The following ASMTL variants were observed in gnomAD, a reference collection of about 807,000 sequenced individuals.
ASMTL encodes probable bifunctional dTTP/UTP pyrophosphatase/methyltransferase protein.
A neutral mutation model predicts 60.3 loss-of-function variants in ASMTL; 57 were observed. That is an observed-to-expected ratio of 0.95 (90% confidence interval 0.76 to 1.18). The LOEUF (loss-of-function observed/expected upper bound fraction) is 1.18, where lower values mean the gene tolerates loss of function less well. ASMTL is among the 50% of genes most tolerant of loss of function. The pLI is 0.00. For synonymous variants in ASMTL, 419 were observed against 373.0 expected, an observed-to-expected ratio of 1.12 and a Z score of -1.42; for missense variants, 981 against 852.6, an observed-to-expected ratio of 1.15 and a Z score of -1.88.
Position 1,419,049 on chromosome X carries a change from C to T in ASMTL, c.1311G>A (p.Lys437=). The T allele has an allele frequency of 6.2e-7, 1 of 1,611,542 alleles. No homozygotes were observed. Among genetic ancestry groups the T allele is most frequent in the Non-Finnish European group, 8.5e-7 (1 of 1,179,642 alleles). The change falls in exon 10 of 13, where the codon AAG becomes AAA. Residue 437 remains lysine (K), a synonymous_variant. Coordinates refer to ENST00000381317, the MANE Select transcript of ASMTL (RefSeq NM_004192.4). ...RFMRAMHGMT[K]LTACQVATAF... ...CCGTGGCCACCTGGCACGCAGTCAGCTTCGTCATGCCGTGCATGGCCCGCA... is the reference window on the plus strand; with the variant it reads ...CCGTGGCCACCTGGCACGCAGTCAGTTTCGTCATGCCGTGCATGGCCCGCA...
At chrX:1,415,456 T>TATTA (rs1422172424) in intron 11 of ASMTL, among the ~76,000 whole-genome samples, 1 of 121,706 alleles carries the variant, frequency 8.2e-6, no homozygotes, top group African/African-American at 3.0e-5. Context: ...TATTTATCAT[T>TATTA]ATTATTATCA....
chrX:1,418,069 T>A lies in ASMTL; in HGVS notation c.1426A>T (p.Met476Leu), dbSNP rs1254159530. The A allele has an allele frequency of 1.2e-6, 2 of 1,613,112 alleles. No homozygotes were observed. Among genetic ancestry groups the A allele is most frequent in the African/African-American group, 2.7e-5 (2 of 74,910 alleles). Reference sequence around the variant, plus strand: ...GGGAGGTCAAACACAGTCACCTGCATACGAGGGTACTCACGGGCCAGCTCT... The same window carrying A: ...GGGAGGTCAAACACAGTCACCTGCAAACGAGGGTACTCACGGGCCAGCTCT... The part of the protein sequence containing the change: ...ARELAREYPR[M>L]QVTVFDLPDI... The change falls in exon 11 of 13, where the codon ATG (methionine) becomes TTG (leucine). Residue 476 changes from methionine (M) to leucine (L), a missense_variant. Met to Leu is a conservative substitution (Grantham distance 15). Coordinates refer to ENST00000381317, the MANE Select transcript of ASMTL (RefSeq NM_004192.4).
At chrX:1,450,037 C>T (rs772835581) in intron 1 of ASMTL, among the ~76,000 whole-genome samples, 1 of 150,832 alleles carries the variant, frequency 6.6e-6, no homozygotes, top group Non-Finnish European at 1.5e-5. Context: ...GTAACTATCC[C>T]CCATCACCAG....
At chrX:1,450,420 C>T (rs1404838324) in intron 1 of ASMTL, among the ~76,000 whole-genome samples, 1 of 151,134 alleles carries the variant, frequency 6.6e-6, no homozygotes, top group Non-Finnish European at 1.5e-5. Context: ...CCAGGTCACT[C>T]CCCTCCCCCA....
At chrX:1,443,140 C>CACCTCCGTCGTGGACACAT (rs1373341125) in intron 1 of ASMTL, among the ~76,000 whole-genome samples, 1 of 139,398 alleles carries the variant, frequency 7.2e-6, no homozygotes, top group Non-Finnish European at 1.6e-5. Flanking sequence ...CGTGGACACA[C>CACCTCCGTCGTGGACACAT]GCCGCCATCT....
At chrX:1,442,774 T>C (rs1190485690) in intron 1 of ASMTL, among the ~76,000 whole-genome samples, 2 of 152,074 alleles carry the variant, frequency 1.3e-5, no homozygotes, top group Non-Finnish European at 2.9e-5. Flanking sequence ...AGGGAGACAA[T>C]GATGGCTCTA....
Position 1,421,652 on chromosome X carries a change from T to C in ASMTL, c.1245+6A>G. The C allele has an allele frequency of 6.2e-7, 1 of 1,613,910 alleles. No individual in the cohort carries two copies. Reference sequence around the variant, plus strand: ...CGGAAAGGTGTCCGCGGGGGTGTTATGCTACCTGGAACAGATCTTCCGCCT... The same window carrying C: ...CGGAAAGGTGTCCGCGGGGGTGTTACGCTACCTGGAACAGATCTTCCGCCT... On this transcript the variant is annotated splice_donor_region_variant and intron_variant, in intron 9 of 12. Coordinates refer to ENST00000381317, the MANE Select transcript of ASMTL (RefSeq NM_004192.4).
chrX:1,426,788 A>T (rs1292736751), intron 7 of ASMTL, among the ~76,000 whole-genome samples: 17 of 152,070 alleles, frequency 1.1e-4, no homozygotes, highest in African/African-American at 4.1e-4. Context: ...TCTTAATTAC[A>T]TCTGCTAAGA....
chrX:1,403,175 G>T lies in ASMTL; in HGVS notation c.*94C>A. 2 of 1,006,980 alleles carry T rather than the reference G, an allele frequency of 2.0e-6. No homozygotes were observed. Among genetic ancestry groups the T allele is most frequent in the African/African-American group, 1.6e-5 (1 of 63,154 alleles). The allele number at this position is 1,006,980 out of a possible 1,614,324, so 62.4% of individuals were successfully genotyped here. ...TTTCTTTATTCAGTCACGACTACAC[G>T]CTCCTATGTGACTGTCCTATGGTAC... On this transcript the variant is annotated 3_prime_UTR_variant, in exon 13 of 13. Transcript: ENST00000381317.
In ASMTL at chrX:1,412,818, A is replaced by T. The variant is rs1195309666; in HGVS notation, c.1559T>A (p.Leu520Gln). 1.2e-6 allele frequency: 2 copies of T among 1,613,976 alleles called. No homozygotes were observed. The highest frequency in any genetic ancestry group is 2.2e-5 in the South Asian group (2 of 91,080). ...ATGCAGGATCCGGCACAGGACGTAC[A>T]GCTCAGCGCTGGGGAGGGGGTCCCT... ...FFRDPLPSAE[L>Q]YVLCRILHDW... The change falls in exon 12 of 13, where the codon CTG becomes CAG. Residue 520 changes from leucine to glutamine, a missense_variant. Physicochemically the swap from Leu to Gln is moderately radical, Grantham distance 113. Coordinates refer to ENST00000381317, the MANE Select transcript of ASMTL (RefSeq NM_004192.4).
At chrX:1,429,792 G>A (rs1381100603) in intron 6 of ASMTL, among the ~76,000 whole-genome samples, 5 of 151,308 alleles carry the variant, frequency 3.3e-5, no homozygotes, top group African/African-American at 4.9e-5. Flanking sequence ...GGAAGACTCC[G>A]TCTCAAAAAA....
At chrX:1,411,229 G>GA (rs1470227215) in intron 12 of ASMTL, among the ~76,000 whole-genome samples, 1 of 10,180 alleles carries the variant, frequency 9.8e-5, no homozygotes, top group Non-Finnish European at 9.3e-4. Flanking sequence ...GAGAAAGAAG[G>GA]AGAGACAGAG....
chrX:1,403,462 A>G lies in ASMTL; in HGVS notation c.1673T>C (p.Leu558Pro). ...PGAGLLLVET[L>P]LDEEKRVAQR... ...CGCCACCCTCTTCTCCTCATCCAGG[A>G]GCGTCTCCACCAGCAGCAGGCCGGC... The change falls in exon 13 of 13, where the codon CTC becomes CCC. Residue 558 changes from leucine (L) to proline (P), a missense_variant. Leu to Pro is a moderately conservative substitution (Grantham distance 98). Transcript: ENST00000381317. 2 of 1,613,086 alleles carry G rather than the reference A, an allele frequency of 1.2e-6. No homozygotes were observed. Among genetic ancestry groups the G allele is most frequent in the African/African-American group, 1.3e-5 (1 of 75,058 alleles).
chrX:1,404,101 A>G (rs1236757926), intron 12 of ASMTL, among the ~76,000 whole-genome samples: 1 of 151,616 alleles, frequency 6.6e-6, no homozygotes, highest in Non-Finnish European at 1.5e-5. Flanking sequence ...AGGTAGGAAG[A>G]TGAATAGATG....
At position 1,412,807 on chromosome X, in the gene ASMTL, A is replaced by T. The variant is rs113135794; in HGVS notation, c.1570T>A (p.Cys524Ser). The T allele has an allele frequency of 3.1e-3, 4,934 of 1,613,982 alleles. 146 individuals are homozygous for T. The African/African-American group carries it at 0.056, about 18-fold the overall frequency. The stretch of plus-strand genomic sequence containing the variant: ...TCTGGCCAGTCATGCAGGATCCGGC[A>T]CAGGACGTACAGCTCAGCGCTGGGG... ...PLPSAELYVL[C>S]RILHDWPDDK... Residue 524 changes from cysteine (C) to serine (S), a missense_variant, in exon 12 of 13, where the codon TGC becomes AGC. By Grantham distance (112) the Cys-to-Ser change is moderately radical. Coordinates refer to ENST00000381317, the MANE Select transcript of ASMTL (RefSeq NM_004192.4).
chrX:1,451,459 C>G (rs1408126249), intron 1 of ASMTL, among the ~76,000 whole-genome samples: 3 of 148,600 alleles, frequency 2.0e-5, no homozygotes, highest in Non-Finnish European at 4.5e-5. Context: ...CTCCCTCATC[C>G]TTTTGGGTCC....
intron 12 of ASMTL, among the ~76,000 whole-genome samples, chrX:1,407,428 G>A (rs2089904608): frequency 6.6e-6 from 1 of 151,242 alleles, no homozygotes; most frequent in African/African-American, 2.4e-5. Context: ...GAGATGGATG[G>A]ATGGGTGAAT....
At chrX:1,412,704 A>G in intron 12 of ASMTL, 28 bp downstream of exon 12, 4 of 1,613,870 alleles carry the variant, frequency 2.5e-6, no homozygotes, top group Non-Finnish European at 3.4e-6. Flanking sequence ...TCTTAACAAA[A>G]ACAGCTAACC....
At chrX:1,443,055 GTGGACACACA>G (rs1569534675) in intron 1 of ASMTL, among the ~76,000 whole-genome samples, 3 of 39,960 alleles carry the variant, frequency 7.5e-5, no homozygotes, top group Non-Finnish European at 4.4e-4. Flanking sequence ...TACCACCATC[GTGGACACACA>G]CCGTCGTCGT....
Sources: allele counts gnomAD v4.1 joint callset (sites outside exome capture counted in the v4.1 genomes callset), GRCh38; gene constraint gnomAD v4.1.1; transcripts MANE v1.5; gene names NCBI Gene and HGNC (gene_info 2026-07-23, HGNC 2026-07-21).